Variants in PRKDC observed in about 807,000 individuals in gnomAD.
The protein encoded by PRKDC is protein kinase, DNA-activated, catalytic subunit.
PRKDC carries 82 observed loss-of-function variants against 486.9 expected under a neutral mutation model. That is an observed-to-expected ratio of 0.17 (90% confidence interval 0.14 to 0.20). The LOEUF (loss-of-function observed/expected upper bound fraction) is 0.20. PRKDC is among the 10% of genes least tolerant of loss of function. PRKDC has a pLI of 1.00. For missense variants in PRKDC, 4,504 were observed against 5,038.2 expected (o/e 0.89, Z 3.21); for synonymous variants, 1,895 against 1,837.0 (o/e 1.03, Z -0.81).
chr8:47,954,452 A>T lies in PRKDC; in HGVS notation c.400-6T>A. ...CTTCTAAAAGTCTGAAGTAACTAAA[A>T]GAATACAAATTAGTACATCAATGTA... is the stretch of plus-strand genomic sequence containing the variant. On this transcript the variant is annotated splice_polypyrimidine_tract_variant and splice_region_variant and intron_variant, in intron 4 of 85. Transcript: ENST00000314191. 1 of 1,196,848 alleles carries T rather than the reference A, an allele frequency of 8.4e-7. No homozygotes were observed. Among genetic ancestry groups the T allele is most frequent in the Non-Finnish European group, 1.2e-6 (1 of 868,006 alleles). The allele number at this position is 1,196,848 out of a possible 1,614,324, so 74.1% of individuals were successfully genotyped here.
rs2087955846 is a variant in PRKDC, at chr8:47,834,288, C to T, written c.8060G>A (p.Arg2687Lys). 1.2e-6 allele frequency: 2 copies of T among 1,613,908 alleles called. No homozygotes were observed. Among genetic ancestry groups the T allele is most frequent in the South Asian group, 1.1e-5 (1 of 91,092 alleles). The stretch of plus-strand genomic sequence containing the variant: ...TGACTTCAAGGGTGCTCTCTGTAAC[C>T]TTTCACTCCTCTTGTGGGCAAACAG... ...SLLFAHKRSE[R>K]LQRAPLKSVG... The change falls in exon 59 of 86, where the codon AGG (arginine) becomes AAG (lysine). Residue 2687 changes from arginine to lysine, a missense_variant. By Grantham distance (26) the Arg-to-Lys change is conservative. Around this residue, in one of 6 missense-constraint regions of PRKDC, gnomAD observed 1,592 missense variants for 1,724.6 expected, o/e 0.92. Coordinates refer to ENST00000314191, the MANE Select transcript of PRKDC (RefSeq NM_006904.7).
rs546326112 is a variant in PRKDC at position 47,866,125 on chromosome 8, C to T, written c.5364-1362G>A. Among the ~76,000 whole-genome samples the T allele has an allele frequency of 2.0e-3, 299 of 147,824 alleles. 1 individual carries two copies. The highest frequency in any genetic ancestry group is 3.3e-3 in the Non-Finnish European group (220 of 67,450). The stretch of plus-strand genomic sequence containing the variant: ...GAGCTGAGATCACACCATTGTACTC[C>T]TGCCTGGGCAACAATAGAGAAACTC... On this transcript the variant is annotated intron_variant, in intron 40 of 85. Coordinates refer to ENST00000314191, the MANE Select transcript of PRKDC (RefSeq NM_006904.7).
Position 47,852,669 on chromosome 8 carries a change from T to A in PRKDC, c.7005+4A>T. 5 of 1,539,058 alleles carry A rather than the reference T, an allele frequency of 3.2e-6. No individual in the cohort carries two copies. Among genetic ancestry groups the A allele is most frequent in the Non-Finnish European group, 4.4e-6 (5 of 1,134,532 alleles). On this transcript the variant is annotated splice_donor_region_variant and intron_variant, in intron 52 of 85. Transcript: ENST00000314191. Reference sequence around the variant, plus strand: ...ATTTATTGAAAATTGTGTAGCACACTCACGTTTTTTCTCTCCATAACATAT... The same window carrying A: ...ATTTATTGAAAATTGTGTAGCACACACACGTTTTTTCTCTCCATAACATAT...
intron 40 of PRKDC, among the ~76,000 whole-genome samples, chr8:47,869,915 G>A (rs2088910266): frequency 6.6e-6 from 1 of 151,886 alleles, no homozygotes; most frequent in African/African-American, 2.4e-5. Context: ...TGCAGGCCTG[G>A]GGCAATGGTG....
intron 35 of PRKDC, among the ~76,000 whole-genome samples, chr8:47,886,685 G>C (rs1472238897): frequency 6.7e-6 from 1 of 150,240 alleles, no homozygotes; most frequent in Non-Finnish European, 1.5e-5. Flanking sequence ...AAGTCACCCT[G>C]CCCAGCCTTG....
intron 4 of PRKDC, 45 bp from the exon 5 acceptor site, chr8:47,954,491 GA>G (rs776309092): frequency 5.1e-5 from 37 of 721,976 alleles, no homozygotes; most frequent in African/African-American, 3.0e-4. Context: ...CGGGAATCAA[GA>G]AAAAAAACAC....
At chr8:47,784,103 A>C (rs534368142) in intron 77 of PRKDC, 45 of 275,216 alleles carry the variant, frequency 1.6e-4, no homozygotes, top group African/African-American at 8.8e-4. Flanking sequence ...CTAAAAATAC[A>C]AAAAATTGGC....
intron 68 of PRKDC, among the ~76,000 whole-genome samples, chr8:47,807,768 T>C (rs1409936812): frequency 4.6e-5 from 7 of 151,528 alleles, no homozygotes; most frequent in African/African-American, 9.7e-5. Flanking sequence ...CAGGATGGAG[T>C]GCAGTGGCAC....
chr8:47,807,033 C>A, intron 69 of PRKDC, 104 bp downstream of exon 69: 1 of 1,154,760 alleles, frequency 8.7e-7, no homozygotes. Flanking sequence ...ATAACACCTA[C>A]CAATTATTTT....
chr8:47,803,572 C>A, intron 69 of PRKDC, 92 bp from the exon 70 acceptor site: 2 of 1,149,942 alleles, frequency 1.7e-6, no homozygotes, highest in Non-Finnish European at 2.6e-6. Context: ...TTGCACGACA[C>A]AATCCACCTT....
Position 47,854,190 on chromosome 8 carries a change from A to C in PRKDC, c.6786T>G (p.Gly2262=). Residue 2262 remains glycine (G), a synonymous_variant, in exon 51 of 86, where the codon GGT becomes GGG. Transcript: ENST00000314191. The stretch of plus-strand genomic sequence containing the variant: ...AGTTGTCTTTAGAATTAGGATCTTT[A>C]CCGGAAAACTTTTCAAATATTAACC... The part of the protein sequence containing the change: ...PYRLIFEKFS[G]KDPNSKDNSV... The C allele has an allele frequency of 2.4e-5, 38 of 1,613,632 alleles. No individual in the cohort carries two copies. The highest frequency in any genetic ancestry group is 3.1e-5 in the Non-Finnish European group (37 of 1,179,510).
intron 77 of PRKDC, 106 bp downstream of exon 77, chr8:47,785,007 A>T: frequency 8.9e-7 from 1 of 1,118,056 alleles, no homozygotes; most frequent in Non-Finnish European, 1.3e-6. Flanking sequence ...TTAAAAAAAG[A>T]AATAACTGTC....
intron 7 of PRKDC, among the ~76,000 whole-genome samples, chr8:47,945,250 A>G (rs1470291437): frequency 6.6e-6 from 1 of 152,186 alleles, no homozygotes; most frequent in Admixed American, 6.5e-5. Flanking sequence ...GTTTTTTTCA[A>G]TGTGGTAAAA....
Position 47,898,455 on chromosome 8 carries a change from A to C in PRKDC, c.3464+15T>G, listed in dbSNP as rs1276541243. 1 of 1,537,324 alleles carries C rather than the reference A, an allele frequency of 6.5e-7. No individual in the cohort carries two copies. Among genetic ancestry groups the C allele is most frequent in the African/African-American group, 1.4e-5 (1 of 73,082 alleles). Reference sequence around the variant, plus strand: ...TGTTGTGGGAAAAGACGGAAAAGGAAGCAAGATCACCTACCGCGGCAAACG... The same window carrying C: ...TGTTGTGGGAAAAGACGGAAAAGGACGCAAGATCACCTACCGCGGCAAACG... On this transcript the variant is annotated intron_variant, in intron 29 of 85. Transcript: ENST00000314191.
chr8:47,825,621 TTA>T (rs758412705), intron 63 of PRKDC, among the ~76,000 whole-genome samples: 9 of 152,038 alleles, frequency 5.9e-5, no homozygotes, highest in Non-Finnish European at 1.2e-4. Context: ...AAAAAAATGT[TTA>T]AAGTTTAGGC....
chr8:47,927,460 T>G, intron 20 of PRKDC, 107 bp from the exon 21 acceptor site: 1 of 1,283,448 alleles, frequency 7.8e-7, no homozygotes, highest in Non-Finnish European at 1.1e-6. Context: ...TTTTTATTAC[T>G]GGATGCCCGA....
intron 64 of PRKDC, among the ~76,000 whole-genome samples, chr8:47,823,488 G>A (rs1472379169): frequency 4.0e-5 from 6 of 151,744 alleles, no homozygotes; most frequent in African/African-American, 1.2e-4. Flanking sequence ...TGTGCAGCCC[G>A]TGGAACCGTG....
chr8:47,797,904 C>T (rs1199331268), intron 73 of PRKDC, among the ~76,000 whole-genome samples: 3 of 152,222 alleles, frequency 2.0e-5, no homozygotes, highest in Non-Finnish European at 4.4e-5. Context: ...GAGCACTGGG[C>T]ACAGCAAATG....
chr8:47,936,510 T>C lies in PRKDC; in HGVS notation c.1121A>G (p.Lys374Arg). The C allele has an allele frequency of 6.2e-7, 1 of 1,613,982 alleles. No individual in the cohort carries two copies. Among genetic ancestry groups the C allele is most frequent in the East Asian group, 2.2e-5 (1 of 44,880 alleles). Residue 374 changes from lysine to arginine, a missense_variant, in exon 12 of 86, where the codon AAG (lysine) becomes AGG (arginine). Physicochemically the swap from Lys to Arg is conservative, Grantham distance 26 (BLOSUM62 2). Transcript: ENST00000314191. Reference sequence around the variant, plus strand: ...GTCAACATCTTTTGCGTTTATAACCTTGCACGGCTTTAGAAAAGGTAAAAC... The same window carrying C: ...GTCAACATCTTTTGCGTTTATAACCCTGCACGGCTTTAGAAAAGGTAAAAC... ...RGYGLFAGPC[K>R]VINAKDVDFM...
Sources: gnomAD v4.1 joint callset for allele counts (sites outside exome capture counted in the v4.1 genomes callset) on GRCh38, gnomAD v4.1.1 for gene constraint, gnomAD v4.1.1 regional missense constraint, MANE v1.5 for transcripts, NCBI Gene and HGNC (gene_info 2026-07-23, HGNC 2026-07-21) for gene names.